CLDN10: variants seen among roughly 807,000 people sequenced by gnomAD.
The protein encoded by CLDN10 is claudin 10, also known as claudin-10.
A neutral mutation model predicts 22.9 loss-of-function variants in CLDN10; 15 were observed. The observed-to-expected ratio is 0.65, with a 90% CI of 0.44 to 1.01. The LOEUF is 1.01. Ranked by LOEUF, CLDN10 falls within the 50% of genes least tolerant of loss-of-function variation. The pLI is 0.00. For synonymous variants in CLDN10, 114 were observed against 111.4 expected (o/e 1.02, Z -0.15); for missense variants, 247 against 287.8 (o/e 0.86, Z 1.03).
intron 1 of CLDN10, among the ~76,000 whole-genome samples, chr13:95,532,498 C>G (rs545475055): frequency 1.3e-5 from 2 of 151,986 alleles, no homozygotes; most frequent in Non-Finnish European, 2.9e-5. Flanking sequence ...TAACATCTAA[C>G]GTTGGCAAGA....
At chr13:95,510,487 G>C (rs1448395960) in intron 1 of CLDN10, among the ~76,000 whole-genome samples, 1 of 152,070 alleles carries the variant, frequency 6.6e-6, no homozygotes, top group Non-Finnish European at 1.5e-5. Context: ...TTTGTTTTCT[G>C]TTTTCCCGGG....
At chr13:95,518,834 A>G (rs2043196915) in intron 1 of CLDN10, among the ~76,000 whole-genome samples, 1 of 152,210 alleles carries the variant, frequency 6.6e-6, no homozygotes, top group Non-Finnish European at 1.5e-5. Context: ...TCTAAGACAG[A>G]GTGGTTGCAA....
chr13:95,529,999 C>CA (rs1294275804), intron 1 of CLDN10, among the ~76,000 whole-genome samples: 1 of 151,910 alleles, frequency 6.6e-6, no homozygotes, highest in Non-Finnish European at 1.5e-5. Context: ...ATATTTAAAT[C>CA]AAAAAAGATA....
chr13:95,505,076 T>G (rs1483675045), intron 1 of CLDN10, among the ~76,000 whole-genome samples: 1 of 152,242 alleles, frequency 6.6e-6, no homozygotes, highest in African/African-American at 2.4e-5. Flanking sequence ...GAATATTTTT[T>G]GCCAGTAGAG....
chr13:95,570,868 A>ATATATATT (rs1452736316), intron 3 of CLDN10, among the ~76,000 whole-genome samples: 2 of 145,942 alleles, frequency 1.4e-5, no homozygotes, highest in African/African-American at 5.0e-5. Context: ...GTATATATAT[A>ATATATATT]TATATATATA....
At chr13:95,568,598 G>A (rs117663706) in intron 3 of CLDN10, among the ~76,000 whole-genome samples, 76 of 152,060 alleles carry the variant, frequency 5.0e-4, no homozygotes, top group South Asian at 2.5e-3. Context: ...TTTCTACCTC[G>A]TGCTTCCATC....
intron 1 of CLDN10, among the ~76,000 whole-genome samples, chr13:95,502,297 T>A (rs1388397267): frequency 6.6e-6 from 1 of 152,140 alleles, no homozygotes; most frequent in Non-Finnish European, 1.5e-5. Context: ...GAATCTTAAT[T>A]TTTTTGTCCT....
chr13:95,556,047 C>A (rs1215214341), intron 1 of CLDN10, among the ~76,000 whole-genome samples: 1 of 151,746 alleles, frequency 6.6e-6, no homozygotes, highest in South Asian at 2.1e-4. Context: ...TTCTGAATTT[C>A]TTTTCTTTTT....
At chr13:95,502,751 C>T (rs985388225) in intron 1 of CLDN10, among the ~76,000 whole-genome samples, 2 of 152,162 alleles carry the variant, frequency 1.3e-5, no homozygotes, top group African/African-American at 4.8e-5. Flanking sequence ...GAACACCTGA[C>T]CTCAAGTGAT....
chr13:95,525,304 T>TA (rs2043269172), intron 1 of CLDN10, among the ~76,000 whole-genome samples: 1 of 152,248 alleles, frequency 6.6e-6, no homozygotes, highest in Non-Finnish European at 1.5e-5. Flanking sequence ...TTTGGAGAAA[T>TA]GTCTATTCAA....
chr13:95,475,032 C>A (rs1434752544), intron 1 of CLDN10, among the ~76,000 whole-genome samples: 2 of 152,280 alleles, frequency 1.3e-5, no homozygotes, highest in South Asian at 4.1e-4. Flanking sequence ...TTTGGCTTCA[C>A]AGACAGAGTG....
At chr13:95,529,514 C>T (rs1001547169) in intron 1 of CLDN10, among the ~76,000 whole-genome samples, 3 of 152,084 alleles carry the variant, frequency 2.0e-5, no homozygotes, top group Non-Finnish European at 4.4e-5. Context: ...CAGTCCTTTG[C>T]AGTAGAATTC....
chr13:95,474,139 A>G (rs2042662316), intron 1 of CLDN10, among the ~76,000 whole-genome samples: 1 of 152,176 alleles, frequency 6.6e-6, no homozygotes, highest in African/African-American at 2.4e-5. Context: ...GGGAGCCCTG[A>G]GCTTGTTTTA....
At position 95,505,200 on chromosome 13, in the gene CLDN10, T is replaced by A. The variant is rs923357907; in HGVS notation, c.215-54932T>A. ...ACTATGTTGAGACTGCAAGTCCATG[T>A]GATAGGATGGTATCAGGTTCTGAGC... On this transcript the variant is annotated intron_variant, in intron 1 of 4. Coordinates refer to the CLDN10 transcript ENST00000376873. Among the ~76,000 whole-genome samples, 6 of 152,218 alleles carry A rather than the reference T, an allele frequency of 3.9e-5. No individual in the cohort carries two copies. The South Asian group carries it at 1.0e-3, about 26-fold the overall frequency.
chr13:95,529,327 T>G (rs573546473), intron 1 of CLDN10, among the ~76,000 whole-genome samples: 1 of 152,282 alleles, frequency 6.6e-6, no homozygotes, highest in East Asian at 1.9e-4. Flanking sequence ...TCATCAGATC[T>G]TCTGGGATAC....
At chr13:95,563,790 T>C (rs1372817974) in intron 3 of CLDN10, among the ~76,000 whole-genome samples, 1 of 152,200 alleles carries the variant, frequency 6.6e-6, no homozygotes, top group Non-Finnish European at 1.5e-5. Context: ...AACACACTTG[T>C]ATAAAAACTA....
At chr13:95,515,993 G>A (rs1399865627) in intron 1 of CLDN10, among the ~76,000 whole-genome samples, 2 of 151,744 alleles carry the variant, frequency 1.3e-5, no homozygotes, top group Non-Finnish European at 2.9e-5. Flanking sequence ...AGAATTGATT[G>A]AACCCCAGAG....
intron 1 of CLDN10, among the ~76,000 whole-genome samples, chr13:95,540,343 T>TAAATAAATAC (rs1440046828): frequency 1.5e-5 from 2 of 135,556 alleles, no homozygotes; most frequent in African/African-American, 5.5e-5. Context: ...TAAATAAATA[T>TAAATAAATAC]TAGCCTGGCA....
chr13:95,449,106 T>C (rs1482146962), intron 1 of CLDN10, among the ~76,000 whole-genome samples: 6 of 152,070 alleles, frequency 3.9e-5, no homozygotes, highest in Non-Finnish European at 5.9e-5. Flanking sequence ...TGGCAAATTG[T>C]AAATACTCCA....
Sources: allele counts gnomAD v4.1 joint callset (sites outside exome capture counted in the v4.1 genomes callset), GRCh38; gene constraint gnomAD v4.1.1; transcripts MANE v1.5; gene names NCBI Gene and HGNC (gene_info 2026-07-23, HGNC 2026-07-21).